Variants in PTPN14 observed in about 807,000 individuals in gnomAD.
PTPN14 encodes tyrosine-protein phosphatase non-receptor type 14.
PTPN14 carries 53 observed loss-of-function variants against 126.8 expected under a neutral mutation model. The observed-to-expected ratio is 0.42, with a 90% CI of 0.34 to 0.53. The LOEUF (loss-of-function observed/expected upper bound fraction) is 0.53, where lower values mean the gene tolerates loss of function less well. Ranked by LOEUF, PTPN14 falls within the 20% of genes least tolerant of loss-of-function variation. PTPN14 has a pLI of 0.08. For missense variants in PTPN14, 1,257 were observed against 1,552.9 expected, an observed-to-expected ratio of 0.81 and a Z score of 3.20; for synonymous variants, 630 against 599.3, an observed-to-expected ratio of 1.05 and a Z score of -0.75.
At chr1:214,468,656 G>C (rs76065572) in intron 1 of PTPN14, among the ~76,000 whole-genome samples, 13,790 of 152,222 alleles carry the variant, frequency 0.091, 638 homozygotes, top group South Asian at 0.12. Context: ...AATGTTAACA[G>C]TTGTTGAATC....
intron 8 of PTPN14, among the ~76,000 whole-genome samples, chr1:214,395,647 C>T (rs1212683878): frequency 7.5e-6 from 1 of 133,892 alleles, no homozygotes; most frequent in Non-Finnish European, 1.6e-5. Flanking sequence ...AGTTTCCTTC[C>T]CTGTCTTCAT....
At position 214,384,161 on chromosome 1, in the gene PTPN14, C is replaced by T; in HGVS notation, c.1694G>A (p.Arg565Lys). 1 of 1,588,096 alleles carries T rather than the reference C, an allele frequency of 6.3e-7. No homozygotes were observed. The highest frequency in any genetic ancestry group is 1.2e-5 in the South Asian group (1 of 86,932). ...TGGCCGTGGGTAGGGGGGCGGTGGC[C>T]TGAAGAGATAGTTCTTAAGCATGTG... ...TAHMLKNYLF[R>K]PPPPYPRPRP... The change falls in exon 13 of 19, where the codon AGG becomes AAG. Residue 565 changes from arginine (R) to lysine (K), a missense_variant. Arg to Lys is a conservative substitution (Grantham distance 26). Transcript: ENST00000366956. The surrounding 1 kb of genome is among the most constrained non-coding windows in gnomAD (Gnocchi z 5.3).
chr1:214,427,176 G>A (rs1189939274), intron 3 of PTPN14, among the ~76,000 whole-genome samples: 3 of 150,258 alleles, frequency 2.0e-5, no homozygotes, highest in Non-Finnish European at 4.4e-5. Flanking sequence ...TGCTCGGGAG[G>A]CTAAGGCAGG....
chr1:214,460,771 T>C (rs1056681391), intron 2 of PTPN14, among the ~76,000 whole-genome samples: 6 of 152,202 alleles, frequency 3.9e-5, no homozygotes, highest in Admixed American at 2.0e-4. Context: ...GCAAAGACCC[T>C]ATCTGGTTTC....
chr1:214,358,116 C>T, intron 18 of PTPN14, 66 bp from the exon 19 acceptor site: 5 of 1,569,862 alleles, frequency 3.2e-6, no homozygotes, highest in Non-Finnish European at 3.5e-6. Context: ...ATTCCTCATT[C>T]CCTCATTCAG....
intron 18 of PTPN14, among the ~76,000 whole-genome samples, chr1:214,361,147 T>C (rs1360535221): frequency 6.6e-6 from 1 of 152,204 alleles, no homozygotes; most frequent in Non-Finnish European, 1.5e-5. Context: ...TAGTTCTTTA[T>C]AGCAGTGTGA....
At chr1:214,451,441 T>C (rs1660271140) in intron 3 of PTPN14, among the ~76,000 whole-genome samples, 2 of 152,270 alleles carry the variant, frequency 1.3e-5, no homozygotes, top group South Asian at 4.2e-4. Flanking sequence ...GTGTTGATAT[T>C]ACAGGTATGA....
chr1:214,384,163 G>A lies in PTPN14; in HGVS notation c.1692C>T (p.Phe564=). The A allele has an allele frequency of 6.3e-7, 1 of 1,589,886 alleles. No homozygotes were observed. Among genetic ancestry groups the A allele is most frequent in the Non-Finnish European group, 8.5e-7 (1 of 1,169,668 alleles). Residue 564 remains phenylalanine (F), a synonymous_variant, in exon 13 of 19, where the codon TTC becomes TTT. Coordinates refer to ENST00000366956, the MANE Select transcript of PTPN14 (RefSeq NM_005401.5). The surrounding 1 kb of genome is among the most constrained non-coding windows in gnomAD (Gnocchi z 5.3). ...GCCGTGGGTAGGGGGGCGGTGGCCT[G>A]AAGAGATAGTTCTTAAGCATGTGGG... ...STAHMLKNYL[F]RPPPPYPRPR...
chr1:214,514,377 C>T (rs1655049861), intron 1 of PTPN14, among the ~76,000 whole-genome samples: 1 of 152,154 alleles, frequency 6.6e-6, no homozygotes, highest in Admixed American at 6.5e-5. Context: ...TTGCTCTGGG[C>T]CACTCACCCA....
intron 1 of PTPN14, among the ~76,000 whole-genome samples, chr1:214,488,303 C>T (rs1470207861): frequency 6.6e-6 from 1 of 152,168 alleles, no homozygotes; most frequent in East Asian, 1.9e-4. Flanking sequence ...ATATTTATCA[C>T]GTACCTTGTA....
intron 3 of PTPN14, among the ~76,000 whole-genome samples, chr1:214,420,274 T>C (rs1351515381): frequency 6.6e-6 from 1 of 152,218 alleles, no homozygotes; most frequent in Non-Finnish European, 1.5e-5. Flanking sequence ...TACATGTACA[T>C]GCATGAGAAG....
chr1:214,510,362 C>T (rs1482777821), intron 1 of PTPN14, among the ~76,000 whole-genome samples: 2 of 152,138 alleles, frequency 1.3e-5, no homozygotes, highest in Admixed American at 6.5e-5. Flanking sequence ...GAAGTAAGCA[C>T]GTGCCGTTGG....
At chr1:214,397,685 C>CTA (rs1299212779) in intron 8 of PTPN14, among the ~76,000 whole-genome samples, 1 of 152,138 alleles carries the variant, frequency 6.6e-6, no homozygotes, top group Non-Finnish European at 1.5e-5. Context: ...CCTTCTAACT[C>CTA]AATAGAGTTC....
chr1:214,418,411 C>T (rs1165625625), intron 3 of PTPN14, among the ~76,000 whole-genome samples: 1 of 152,210 alleles, frequency 6.6e-6, no homozygotes, highest in African/African-American at 2.4e-5. Context: ...CCTTTCATTT[C>T]TTAGAGAAGG....
In PTPN14 at chr1:214,397,627, C is replaced by T. The variant is rs11120309; in HGVS notation, c.758+286G>A. Among the ~76,000 whole-genome samples, 122,657 of 152,192 alleles carry T rather than the reference C, an allele frequency of 0.81. 49,864 individuals carry two copies. The highest frequency in any genetic ancestry group is 0.91 in the African/African-American group (37,950 of 41,546). On this transcript the variant is annotated intron_variant, in intron 8 of 18. Coordinates refer to ENST00000366956, the MANE Select transcript of PTPN14 (RefSeq NM_005401.5). ...GGAAAGAAGTGTTTAGAGTTAATGA[C>T]TGACTGGAGAGCCAGTTTTCAACCA...
At chr1:214,409,278 T>A (rs1659241652) in intron 5 of PTPN14, among the ~76,000 whole-genome samples, 1 of 152,248 alleles carries the variant, frequency 6.6e-6, no homozygotes, top group Admixed American at 6.5e-5. Context: ...ACTCTCTACA[T>A]CTATAAGTTC....
At chr1:214,411,077 G>C (rs997301182) in intron 5 of PTPN14, among the ~76,000 whole-genome samples, 1 of 152,162 alleles carries the variant, frequency 6.6e-6, no homozygotes, top group African/African-American at 2.4e-5. Context: ...AATCCACGAA[G>C]ATGGGGTATC....
At chr1:214,456,020 T>A (rs1660374199) in intron 2 of PTPN14, among the ~76,000 whole-genome samples, 1 of 152,232 alleles carries the variant, frequency 6.6e-6, no homozygotes, top group South Asian at 2.1e-4. Flanking sequence ...TGTTTGTTCA[T>A]TTATTTGTAA....
chr1:214,477,914 C>CT (rs1048083247), intron 1 of PTPN14, among the ~76,000 whole-genome samples: 4 of 152,160 alleles, frequency 2.6e-5, no homozygotes, highest in African/African-American at 7.2e-5. Context: ...TTTCAGAATG[C>CT]TAAGGATTTC....
Sources: allele counts gnomAD v4.1 joint callset (sites outside exome capture counted in the v4.1 genomes callset), GRCh38; gene constraint gnomAD v4.1.1; non-coding constraint Gnocchi (gnomAD v3.1); transcripts MANE v1.5; gene names NCBI Gene and HGNC (gene_info 2026-07-23, HGNC 2026-07-21).